The following DENND1A variants were observed in gnomAD, a reference collection of about 807,000 sequenced individuals.
DENND1A encodes DENN domain containing 1A, also known as DENN domain-containing protein 1A.
A neutral mutation model predicts 113.7 loss-of-function variants in DENND1A; 51 were observed. The observed-to-expected ratio is 0.45, with a 90% CI of 0.36 to 0.57. The LOEUF (loss-of-function observed/expected upper bound fraction) is 0.57. Among genes scored for constraint, DENND1A ranks in the 20% least tolerant of loss-of-function variants. The pLI, the probability that DENND1A is intolerant of heterozygous loss-of-function variation, is 0.00. For missense variants in DENND1A, 1,258 were observed against 1,395.9 expected (o/e 0.90, Z 1.57); for synonymous variants, 565 against 570.8 (o/e 0.99, Z 0.14).
intron 10 of DENND1A, among the ~76,000 whole-genome samples, chr9:123,628,642 C>T (rs1451906955): frequency 6.6e-6 from 1 of 152,174 alleles, no homozygotes; most frequent in Non-Finnish European, 1.5e-5. Flanking sequence ...GCAAACATTA[C>T]TTTATCTCCT....
chr9:123,710,828 A>G (rs754955415), intron 5 of DENND1A, among the ~76,000 whole-genome samples: 40 of 152,040 alleles, frequency 2.6e-4, no homozygotes, highest in South Asian at 4.2e-4. Context: ...GTGTGCCACC[A>G]TGCCAGGCTA....
intron 21 of DENND1A, chr9:123,401,801 C>CG: frequency 6.2e-7 from 1 of 1,614,146 alleles, no homozygotes; most frequent in Non-Finnish European, 8.5e-7. Context: ...GGAAAAGCAA[C>CG]GGCGTAAGTC....
intron 12 of DENND1A, chr9:123,569,718 G>C (rs998121867): frequency 4.6e-5 from 7 of 152,392 alleles, no homozygotes; most frequent in African/African-American, 1.7e-4. Context: ...GCTGGTCACA[G>C]GTGCTACTAA....
chr9:123,835,660 GAAA>G (rs112937594), intron 2 of DENND1A, among the ~76,000 whole-genome samples: 2 of 111,490 alleles, frequency 1.8e-5, no homozygotes, highest in Non-Finnish European at 1.9e-5. Flanking sequence ...TGATTTCCAG[GAAA>G]AAAAAAAAAA....
At chr9:123,900,298 A>G (rs1466578842) in intron 1 of DENND1A, among the ~76,000 whole-genome samples, 1 of 152,220 alleles carries the variant, frequency 6.6e-6, no homozygotes, top group East Asian at 1.9e-4. Context: ...TAATTATGCA[A>G]TATACAGCAA....
chr9:123,492,468 T>C (rs541965064), intron 13 of DENND1A, among the ~76,000 whole-genome samples: 1 of 152,076 alleles, frequency 6.6e-6, no homozygotes. Context: ...CTTGGAGTGA[T>C]GGGAGGAGAA....
At chr9:123,546,281 G>T (rs149997668) in intron 13 of DENND1A, among the ~76,000 whole-genome samples, 186 of 152,224 alleles carry the variant, frequency 1.2e-3, no homozygotes, top group African/African-American at 4.1e-3. Flanking sequence ...GGGCGAGGTG[G>T]CTCACGCCTG....
rs1198681793 is a variant in DENND1A at position 123,804,074 on chromosome 9, CAT to C, written c.89-11446_89-11445del. Among the ~76,000 whole-genome samples the C allele has an allele frequency of 3.3e-5, 5 of 152,236 alleles. No individual in the cohort carries two copies. In the South Asian group the frequency reaches 6.2e-4, roughly 19 times the overall value. On this transcript the variant is annotated intron_variant, in intron 2 of 23. Coordinates refer to ENST00000394215, the MANE Select transcript of DENND1A (RefSeq NM_001352964.2). ...TGAATTGTAACTCCCGCAATTCCCACATGTTATGGGAGGAACCCGTGGAAGGT... is the reference window on the plus strand; with the variant it reads ...TGAATTGTAACTCCCGCAATTCCCACGTTATGGGAGGAACCCGTGGAAGGT...
At chr9:123,878,337 C>A (rs1448340278) in intron 2 of DENND1A, among the ~76,000 whole-genome samples, 1 of 149,002 alleles carries the variant, frequency 6.7e-6, no homozygotes, top group African/African-American at 2.6e-5. Context: ...GGTTATTTTT[C>A]TCATTAACCA....
intron 5 of DENND1A, among the ~76,000 whole-genome samples, chr9:123,747,944 A>G (rs1056468566): frequency 8.5e-5 from 13 of 152,196 alleles, no homozygotes; most frequent in African/African-American, 2.7e-4. Flanking sequence ...GTCAAGAATC[A>G]GGTAATAGCT....
intron 9 of DENND1A, among the ~76,000 whole-genome samples, chr9:123,639,454 C>CAAAA (rs1170557545): frequency 7.9e-5 from 6 of 76,354 alleles, no homozygotes; most frequent in Non-Finnish European, 9.9e-5. Flanking sequence ...AACCCCCTAC[C>CAAAA]AAAAAAAAAA....
chr9:123,874,924 G>A (rs984049225), intron 2 of DENND1A, among the ~76,000 whole-genome samples: 1 of 152,164 alleles, frequency 6.6e-6, no homozygotes, highest in Non-Finnish European at 1.5e-5. Context: ...CATGTGCCAG[G>A]ATTCATACGT....
At chr9:123,466,058 T>C (rs1020968201) in intron 13 of DENND1A, among the ~76,000 whole-genome samples, 17 of 152,200 alleles carry the variant, frequency 1.1e-4, no homozygotes, top group Non-Finnish European at 5.9e-5. Context: ...TGGAGTGCAG[T>C]GGCGCGATCT....
intron 2 of DENND1A, among the ~76,000 whole-genome samples, chr9:123,817,308 T>G (rs140588295): frequency 1.3e-5 from 2 of 152,298 alleles, no homozygotes; most frequent in African/African-American, 4.8e-5. Flanking sequence ...AATGTAAAAT[T>G]TCAGTGGGAT....
chr9:123,763,794 G>C (rs2071240658), intron 4 of DENND1A, among the ~76,000 whole-genome samples: 1 of 152,110 alleles, frequency 6.6e-6, no homozygotes, highest in South Asian at 2.1e-4. Context: ...AAAAAACAAT[G>C]TCTACTGAAT....
chr9:123,527,345 C>T (rs2054926197), intron 13 of DENND1A, among the ~76,000 whole-genome samples: 1 of 152,194 alleles, frequency 6.6e-6, no homozygotes, highest in South Asian at 2.1e-4. Flanking sequence ...TATAACTTCC[C>T]TCCCTTACAA....
Position 123,381,940 on chromosome 9 carries a change from G to A in DENND1A, c.2705C>T (p.Ala902Val). The A allele has an allele frequency of 1.6e-6, 1 of 640,386 alleles. No homozygotes were observed. Among genetic ancestry groups the A allele is most frequent in the Non-Finnish European group, 2.4e-6 (1 of 410,548 alleles). The allele number at this position is 640,386 out of a possible 1,614,324, so 39.7% of individuals were successfully genotyped here. A position where few individuals can be genotyped will look rare whatever the true frequency, so the allele number is the denominator to read the frequency against. ...GGAGACCAGGGGCAGGGTGGGTGGG[G>A]CTGCTGGCATGGATGGGACAAAGGG... ...LNPFVPSMPA[A>V]PPTLPLVSTP... The change falls in exon 24 of 24, where the codon GCC (alanine) becomes GTC (valine). Residue 902 changes from alanine to valine, a missense_variant. Physicochemically the swap from Ala to Val is moderately conservative, Grantham distance 64 (BLOSUM62 0). This residue lies in a region of DENND1A where 1,159 missense variants were observed against 1,231.7 expected (regional missense o/e 0.94). Coordinates refer to ENST00000394215, the MANE Select transcript of DENND1A (RefSeq NM_001352964.2). This position sits in a 1 kb window ranked among gnomAD's most constrained non-coding sequence, Gnocchi z 4.7.
intron 2 of DENND1A, among the ~76,000 whole-genome samples, chr9:123,875,177 A>G (rs1157859228): frequency 6.6e-6 from 1 of 152,208 alleles, no homozygotes; most frequent in Non-Finnish European, 1.5e-5. Context: ...GCACAATTCA[A>G]TTATATTTTT....
At chr9:123,743,101 C>G (rs548295884) in intron 5 of DENND1A, among the ~76,000 whole-genome samples, 8 of 152,214 alleles carry the variant, frequency 5.3e-5, no homozygotes, top group Non-Finnish European at 1.0e-4. Flanking sequence ...GTGGTATGTC[C>G]ATTAAAAAAA....
Sources: allele counts gnomAD v4.1 joint callset (sites outside exome capture counted in the v4.1 genomes callset), GRCh38; gene constraint gnomAD v4.1.1; regional missense constraint gnomAD v4.1.1; non-coding constraint Gnocchi (gnomAD v3.1); transcripts MANE v1.5; gene names NCBI Gene and HGNC (gene_info 2026-07-23, HGNC 2026-07-21).